ACVR2B: variants seen among roughly 807,000 people sequenced by gnomAD.
The protein encoded by ACVR2B is activin A receptor type 2B.
A neutral mutation model predicts 65.1 loss-of-function variants in ACVR2B; 18 were observed. The observed-to-expected ratio is 0.28, with a 90% CI of 0.19 to 0.41. The LOEUF (loss-of-function observed/expected upper bound fraction) is 0.41, where lower values mean the gene tolerates loss of function less well. Among genes scored for constraint, ACVR2B ranks in the 10% least tolerant of loss-of-function variants. The pLI is 1.00. For synonymous variants in ACVR2B, 298 were observed against 277.7 expected (o/e 1.07, Z -0.73); for missense variants, 482 against 682.7 (o/e 0.71, Z 3.28).
chr3:38,460,250 T>A (rs1559645726), intron 1 of ACVR2B, among the ~76,000 whole-genome samples: 2 of 152,218 alleles, frequency 1.3e-5, no homozygotes, highest in African/African-American at 4.8e-5. Flanking sequence ...TGTTCTGGGC[T>A]TTCTTTTTTG....
chr3:38,461,196 C>T (rs1709639852), intron 1 of ACVR2B, among the ~76,000 whole-genome samples: 1 of 152,172 alleles, frequency 6.6e-6, no homozygotes, highest in African/African-American at 2.4e-5. Context: ...TGACAACCCT[C>T]CTCCCCCTCC....
At position 38,487,221 on chromosome 3, in the gene ACVR2B, C is replaced by G. The variant is rs1402190440; in HGVS notation, c.*3889C>G. On this transcript the variant is annotated 3_prime_UTR_variant, in exon 11 of 11. Coordinates refer to ENST00000352511, the MANE Select transcript of ACVR2B (RefSeq NM_001106.4). The stretch of plus-strand genomic sequence containing the variant: ...GATTCTGACTCTGAATACATCATGT[C>G]CGGACTTGGGGGTGTTTCTGCAGAA... The G allele has an allele frequency of 6.6e-6, 1 of 152,244 alleles. No homozygotes were observed. The highest frequency in any genetic ancestry group is 1.5e-5 in the Non-Finnish European group (1 of 68,090). The allele number at this position is 152,244 out of a possible 1,614,324, so 9.4% of individuals were successfully genotyped here. A position where few individuals can be genotyped will look rare whatever the true frequency, so the allele number is the denominator to read the frequency against.
At chr3:38,482,772 G>A (rs1252484982) in intron 10 of ACVR2B, among the ~76,000 whole-genome samples, 1 of 152,128 alleles carries the variant, frequency 6.6e-6, no homozygotes, top group African/African-American at 2.4e-5. Flanking sequence ...TACATTTTGG[G>A]CACTTGTATG....
At position 38,479,715 on chromosome 3, in the gene ACVR2B, C is replaced by T. The variant is rs1709983659; in HGVS notation, c.848C>T (p.Thr283Ile). The change falls in exon 7 of 11, where the codon ACA becomes ATA. Residue 283 changes from threonine (T) to isoleucine (I), a missense_variant. Physicochemically the swap from Thr to Ile is moderately conservative, Grantham distance 89. Around this residue, in one of 5 missense-constraint regions of ACVR2B, gnomAD observed 223 missense variants for 386.3 expected, o/e 0.58. Transcript: ENST00000352511. Reference protein sequence around the residue: ...LTDYLKGNIITWNELCHVAET... With the variant: ...LTDYLKGNIIIWNELCHVAET... ...GATTACCTCAAGGGGAACATCATCA[C>T]ATGGAACGAACTGTGTCATGTAGCA... The T allele has an allele frequency of 5.6e-6, 9 of 1,614,236 alleles. No homozygotes were observed. The highest frequency in any genetic ancestry group is 6.8e-6 in the Non-Finnish European group (8 of 1,180,040).
At chr3:38,460,325 C>T (rs1282523449) in intron 1 of ACVR2B, among the ~76,000 whole-genome samples, 1 of 152,144 alleles carries the variant, frequency 6.6e-6, no homozygotes, top group Non-Finnish European at 1.5e-5. Context: ...TCCTTGTGGT[C>T]CTGGGGGTAC....
At position 38,479,104 on chromosome 3, in the gene ACVR2B, C is replaced by A. The variant is rs541402369; in HGVS notation, c.667-24C>A. ...AGGGCTAAGCCAGCCACTTGTCCCC[C>A]CAACCCCTCGCCCCCGGCCTCAGGA... On this transcript the variant is annotated intron_variant, in intron 5 of 10. Coordinates refer to ENST00000352511, the MANE Select transcript of ACVR2B (RefSeq NM_001106.4). 11 of 1,613,858 alleles carry A rather than the reference C, an allele frequency of 6.8e-6. No individual in the cohort carries two copies. The South Asian group carries it at 1.1e-4, about 16-fold the overall frequency.
intron 1 of ACVR2B, among the ~76,000 whole-genome samples, chr3:38,467,425 A>G (rs1709749287): frequency 6.6e-6 from 1 of 151,834 alleles, no homozygotes; most frequent in Non-Finnish European, 1.5e-5. Flanking sequence ...CCTGGGCAAC[A>G]AGAGCGAAAC....
rs980869813 is a variant in ACVR2B, at chr3:38,483,447, ATT to A, written c.*118_*119del. 1.1e-5 allele frequency: 8 copies of A among 752,714 alleles called. No homozygotes were observed. The highest frequency in any genetic ancestry group is 1.5e-5 in the Non-Finnish European group (7 of 459,354). 46.6% of individuals were successfully genotyped at this position (752,714 alleles called of 1,614,324 possible). A position where few individuals can be genotyped will look rare whatever the true frequency, so the allele number is the denominator to read the frequency against. On this transcript the variant is annotated 3_prime_UTR_variant, in exon 11 of 11. Coordinates refer to ENST00000352511, the MANE Select transcript of ACVR2B (RefSeq NM_001106.4). This position sits in a 1 kb window ranked among gnomAD's most constrained non-coding sequence, Gnocchi z 4.8. The stretch of plus-strand genomic sequence containing the variant: ...AACAAACACATAAAATGCAGCTGCT[ATT>A]TTACCTTGACTTTTTATTATTATTA...
At chr3:38,465,939 G>A (rs1046374500) in intron 1 of ACVR2B, among the ~76,000 whole-genome samples, 1 of 152,170 alleles carries the variant, frequency 6.6e-6, no homozygotes, top group Admixed American at 6.5e-5. Flanking sequence ...TATCAAAAGA[G>A]CTGTAGTTAT....
chr3:38,478,675 G>C (rs535842148), intron 5 of ACVR2B, among the ~76,000 whole-genome samples, 157 bp downstream of exon 5: 18 of 152,312 alleles, frequency 1.2e-4, no homozygotes, highest in Middle Eastern at 3.4e-3. Context: ...CACTTGGCTG[G>C]TCTGTAGATT....
intron 1 of ACVR2B, among the ~76,000 whole-genome samples, chr3:38,467,272 A>G (rs1486885707): frequency 3.9e-5 from 6 of 152,032 alleles, no homozygotes; most frequent in Non-Finnish European, 8.8e-5. Flanking sequence ...ACATGGAGAA[A>G]CCCCATCTCT....
rs1710143233 is a variant in ACVR2B at position 38,487,467 on chromosome 3, T to C, written c.*4135T>C. 1 of 152,390 alleles carries C rather than the reference T, an allele frequency of 6.6e-6. No individual in the cohort carries two copies. The highest frequency in any genetic ancestry group is 1.5e-5 in the Non-Finnish European group (1 of 68,140). 9.4% of individuals were successfully genotyped at this position (152,390 alleles called of 1,614,324 possible). ...TTCTCTTCAGTTGGCCACATTCTCGTTTCCTCCATCCTGCTATGCTTTGTG... is the reference window on the plus strand; with the variant it reads ...TTCTCTTCAGTTGGCCACATTCTCGCTTCCTCCATCCTGCTATGCTTTGTG... On this transcript the variant is annotated 3_prime_UTR_variant, in exon 11 of 11. Transcript: ENST00000352511.
intron 1 of ACVR2B, among the ~76,000 whole-genome samples, chr3:38,470,556 A>G (rs1410541167): frequency 6.6e-6 from 1 of 152,242 alleles, no homozygotes; most frequent in African/African-American, 2.4e-5. Context: ...TTCAGTAAGG[A>G]CAGTGATCTC....
intron 1 of ACVR2B, among the ~76,000 whole-genome samples, chr3:38,461,774 C>G (rs2125713660): frequency 6.6e-6 from 1 of 152,296 alleles, no homozygotes; most frequent in Admixed American, 6.5e-5. Context: ...ACAGATAATA[C>G]TAGGGTCTCC....
Position 38,477,239 on chromosome 3 carries a change from G to A in ACVR2B, c.53-48G>A. 6.2e-7 allele frequency: 1 copy of A among 1,606,298 alleles called. No individual in the cohort carries two copies. Among genetic ancestry groups the A allele is most frequent in the Non-Finnish European group, 8.5e-7 (1 of 1,175,062 alleles). ...CAGGACTGGGAGTAGGGGTTTGGGTGGTGGTCCCAGGGGCATGCTCAGTGG... is the reference window on the plus strand; with the variant it reads ...CAGGACTGGGAGTAGGGGTTTGGGTAGTGGTCCCAGGGGCATGCTCAGTGG... On this transcript the variant is annotated intron_variant, in intron 1 of 10. Coordinates refer to ENST00000352511, the MANE Select transcript of ACVR2B (RefSeq NM_001106.4). The surrounding 1 kb of genome is among the most constrained non-coding windows in gnomAD (Gnocchi z 6.7).
rs879543038 is a variant in ACVR2B at position 38,459,597 on chromosome 3, C to T, written c.52+5223C>T. On this transcript the variant is annotated intron_variant, in intron 1 of 10. Coordinates refer to ENST00000352511, the MANE Select transcript of ACVR2B (RefSeq NM_001106.4). ...GGCATGCCCCTTCCCCTGAGTGGACCTGCCATGTGGCGCTCCGGGGAGCCG... is the reference window on the plus strand; with the variant it reads ...GGCATGCCCCTTCCCCTGAGTGGACTTGCCATGTGGCGCTCCGGGGAGCCG... The T allele has an allele frequency of 6.1e-6, 6 of 985,472 alleles. No individual in the cohort carries two copies. The East Asian group carries it at 4.5e-4, about 75-fold the overall frequency. The allele number at this position is 985,472 out of a possible 1,614,324, so 61.0% of individuals were successfully genotyped here.
At chr3:38,479,404 A>G (rs1021898981) in intron 6 of ACVR2B, 133 bp downstream of exon 6, 20 of 1,363,532 alleles carry the variant, frequency 1.5e-5, no homozygotes, top group South Asian at 2.4e-5. Flanking sequence ...ACTATCCACT[A>G]TGGGGTTACT....
rs1205057499 is a variant in ACVR2B, at chr3:38,485,584, C to T, written c.*2252C>T. The T allele has an allele frequency of 4.7e-5, 7 of 149,410 alleles. No individual in the cohort carries two copies. Among genetic ancestry groups the T allele is most frequent in the African/African-American group, 1.7e-4 (7 of 40,334 alleles). 9.3% of individuals were successfully genotyped at this position (149,410 alleles called of 1,614,324 possible). A position where few individuals can be genotyped will look rare whatever the true frequency, so the allele number is the denominator to read the frequency against. Reference sequence around the variant, plus strand: ...ATGGGAGGCCCATTTGCTTCCCTCTCGGAGCTCAGTTTTTGCTTCATGGGT... The same window carrying T: ...ATGGGAGGCCCATTTGCTTCCCTCTTGGAGCTCAGTTTTTGCTTCATGGGT... On this transcript the variant is annotated 3_prime_UTR_variant, in exon 11 of 11. Transcript: ENST00000352511.
Position 38,487,550 on chromosome 3 carries a change from A to G in ACVR2B, c.*4218A>G, listed in dbSNP as rs146770581. On this transcript the variant is annotated 3_prime_UTR_variant, in exon 11 of 11. Coordinates refer to ENST00000352511, the MANE Select transcript of ACVR2B (RefSeq NM_001106.4). ...GGAAGGAAGCCCAGCTGTGTATTGAATGTCCTTCATGTGTTGTGTGTGGCT... is the reference window on the plus strand; with the variant it reads ...GGAAGGAAGCCCAGCTGTGTATTGAGTGTCCTTCATGTGTTGTGTGTGGCT... 386 of 152,262 alleles carry G rather than the reference A, an allele frequency of 2.5e-3. No individual in the cohort carries two copies. Among genetic ancestry groups the G allele is most frequent in the Non-Finnish European group, 4.3e-3 (296 of 68,056 alleles). 9.4% of individuals were successfully genotyped at this position (152,262 alleles called of 1,614,324 possible).
Sources: allele counts gnomAD v4.1 joint callset (sites outside exome capture counted in the v4.1 genomes callset), GRCh38; gene constraint gnomAD v4.1.1; regional missense constraint gnomAD v4.1.1; non-coding constraint Gnocchi (gnomAD v3.1); transcripts MANE v1.5; gene names NCBI Gene and HGNC (gene_info 2026-07-23, HGNC 2026-07-21).